TUBGCP5: variants seen among roughly 807,000 people sequenced by gnomAD.
TUBGCP5 encodes the protein gamma-tubulin complex component 5.
TUBGCP5 carries 98 observed loss-of-function variants against 134.7 expected under a neutral mutation model. That is an observed-to-expected ratio of 0.73 (90% confidence interval 0.62 to 0.86). The LOEUF (loss-of-function observed/expected upper bound fraction) is 0.86. Ranked by LOEUF, TUBGCP5 falls within the 40% of genes least tolerant of loss-of-function variation. TUBGCP5 has a pLI of 0.00. For synonymous variants in TUBGCP5, 456 were observed against 431.4 expected (o/e 1.06, Z -0.71); for missense variants, 1,150 against 1,244.8 (o/e 0.92, Z 1.15).
intron 23 of TUBGCP5, among the ~76,000 whole-genome samples, chr15:22,985,245 T>C (rs532862572): frequency 1.3e-5 from 2 of 152,114 alleles, no homozygotes; most frequent in East Asian, 3.9e-4. Flanking sequence ...TGAGATGGAG[T>C]TTCACTCTTG....
intron 16 of TUBGCP5, among the ~76,000 whole-genome samples, chr15:23,007,739 A>T (rs1288495406): frequency 6.6e-6 from 1 of 152,182 alleles, no homozygotes; most frequent in Non-Finnish European, 1.5e-5. Context: ...GGGAAAATGG[A>T]GCCAGACAGT....
Position 23,000,550 on chromosome 15 carries a change from T to C in TUBGCP5, c.3028+19A>G. ...CAAGGAAATACAGAGGTAGAAATAT[T>C]TTAACATGATATACTCACAATGGGG... On this transcript the variant is annotated intron_variant, in intron 22 of 22. Transcript: ENST00000615383. 6.2e-7 allele frequency: 1 copy of C among 1,607,180 alleles called. No individual in the cohort carries two copies.
At chr15:23,002,181 C>T (rs2064428349) in intron 21 of TUBGCP5, among the ~76,000 whole-genome samples, 1 of 151,838 alleles carries the variant, frequency 6.6e-6, no homozygotes, top group African/African-American at 2.4e-5. Context: ...ATTTTGCACA[C>T]TTTGAGCCAG....
chr15:23,037,785 C>T (rs960026251), intron 1 of TUBGCP5, among the ~76,000 whole-genome samples: 2 of 152,198 alleles, frequency 1.3e-5, no homozygotes, highest in African/African-American at 4.8e-5. Context: ...TTGCTGCCTT[C>T]ATTCATAATA....
At chr15:23,008,623 G>T in intron 16 of TUBGCP5, 76 bp downstream of exon 16, 3 of 1,428,668 alleles carry the variant, frequency 2.1e-6, no homozygotes, top group Non-Finnish European at 2.9e-6. Flanking sequence ...AAAATAATAT[G>T]TGTAATTCAT....
At chr15:22,984,575 A>G (rs1415855097) in intron 23 of TUBGCP5, among the ~76,000 whole-genome samples, 1 of 152,092 alleles carries the variant, frequency 6.6e-6, no homozygotes, top group African/African-American at 2.4e-5. Flanking sequence ...AGCTGAGATC[A>G]TGCCACTGCA....
Position 23,006,447 on chromosome 15 carries a change from C to T in TUBGCP5, c.2328-95G>A, listed in dbSNP as rs11632888. On this transcript the variant is annotated intron_variant, in intron 16 of 22. Coordinates refer to ENST00000615383, the MANE Select transcript of TUBGCP5 (RefSeq NM_052903.6). The stretch of plus-strand genomic sequence containing the variant: ...TTGGTATTTCATTTACATAATATTC[C>T]CCAAAAGATACTGCATTTCATAAAA... The T allele has an allele frequency of 0.24, 193,923 of 807,636 alleles. 25,093 individuals carry two copies. Among genetic ancestry groups the T allele is most frequent in the South Asian group, 0.27 (16,242 of 60,378 alleles). The allele number at this position is 807,636 out of a possible 1,614,324, so 50.0% of individuals were successfully genotyped here.
At position 23,017,970 on chromosome 15, in the gene TUBGCP5, T is replaced by A. The variant is rs2065436825; in HGVS notation, c.1559A>T (p.Lys520Met). Residue 520 changes from lysine to methionine, a missense_variant, in exon 13 of 23, where the codon AAG becomes ATG. Lys to Met is a moderately conservative substitution (Grantham distance 95, BLOSUM62 -1). This residue lies in a region of TUBGCP5 where 697 missense variants were observed against 850.1 expected (regional missense o/e 0.82). Transcript: ENST00000615383. ...ACTCATTTTTTCTTCATTTTCTGTCTTTTCTGATACGCTATATAACGTGTA... is the reference window on the plus strand; with the variant it reads ...ACTCATTTTTTCTTCATTTTCTGTCATTTCTGATACGCTATATAACGTGTA... Reference protein sequence around the residue: ...ATYTLYSVSEKTENEEKMSDN... With the variant: ...ATYTLYSVSEMTENEEKMSDN... 6.2e-7 allele frequency: 1 copy of A among 1,614,088 alleles called. No individual in the cohort carries two copies. The highest frequency in any genetic ancestry group is 1.3e-5 in the African/African-American group (1 of 74,942).
intron 23 of TUBGCP5, among the ~76,000 whole-genome samples, chr15:22,993,179 A>C (rs2063906190): frequency 6.7e-6 from 1 of 148,892 alleles, no homozygotes; most frequent in Non-Finnish European, 1.5e-5. Context: ...AGCTCACTGC[A>C]ACCTCCACCT....
Position 23,036,710 on chromosome 15 carries a change from T to C in TUBGCP5, c.309+187A>G, listed in dbSNP as rs185195715. On this transcript the variant is annotated intron_variant, in intron 3 of 22. Transcript: ENST00000615383. ...GGTGAAAAAATGATTAAAAACAAGC[T>C]CTTTCTTTCATCACAAACTGAGGCA... Among the ~76,000 whole-genome samples the C allele has an allele frequency of 6.6e-3, 1,000 of 152,274 alleles. 5 individuals are homozygous for C. The highest frequency in any genetic ancestry group is 0.012 in the Non-Finnish European group (837 of 68,016).
intron 13 of TUBGCP5, among the ~76,000 whole-genome samples, chr15:23,015,520 T>TA (rs1215573994): frequency 6.6e-6 from 1 of 152,046 alleles, no homozygotes; most frequent in Non-Finnish European, 1.5e-5. Flanking sequence ...CACATGCCTG[T>TA]AATCCCATCT....
chr15:23,033,149 A>G (rs372909642), intron 3 of TUBGCP5, among the ~76,000 whole-genome samples: 2 of 152,308 alleles, frequency 1.3e-5, no homozygotes, highest in African/African-American at 4.8e-5. Flanking sequence ...TCCTGTGGCA[A>G]TATGTATCAT....
intron 20 of TUBGCP5, among the ~76,000 whole-genome samples, chr15:23,003,632 GTT>G (rs531926227): frequency 0.017 from 1,482 of 88,356 alleles, 11 homozygotes; most frequent in African/African-American, 0.037. Context: ...TCCTCCTTCT[GTT>G]TTTTTTTTTT....
chr15:22,986,950 T>C (rs1257586355), intron 23 of TUBGCP5, among the ~76,000 whole-genome samples: 5 of 152,034 alleles, frequency 3.3e-5, no homozygotes, highest in Admixed American at 6.6e-5. Flanking sequence ...AGGAGATACA[T>C]ATTAGGAGAT....
intron 14 of TUBGCP5, among the ~76,000 whole-genome samples, chr15:23,010,892 T>C (rs909434275): frequency 6.6e-6 from 1 of 151,214 alleles, no homozygotes; most frequent in Admixed American, 6.6e-5. Context: ...GGTAGGAAAA[T>C]TGCTTAACCT....
At chr15:23,032,631 G>A (rs1228825023) in intron 4 of TUBGCP5, 97 bp downstream of exon 4, 1 of 813,426 alleles carries the variant, frequency 1.2e-6, no homozygotes, top group South Asian at 2.7e-5. Context: ...TAGTTTCACA[G>A]ATTTTTAGAA....
At chr15:23,000,134 A>C in intron 22 of TUBGCP5, 1 of 650,562 alleles carries the variant, frequency 1.5e-6, no homozygotes, top group Non-Finnish European at 2.3e-6. Context: ...TGGTCTTCCA[A>C]CTCCTGACCT....
intron 11 of TUBGCP5, among the ~76,000 whole-genome samples, chr15:23,021,641 T>C (rs973027122): frequency 6.6e-6 from 1 of 152,212 alleles, no homozygotes; most frequent in Non-Finnish European, 1.5e-5. Flanking sequence ...TTTCTGTGGA[T>C]GTGTCTACTT....
At chr15:23,018,104 C>G in intron 12 of TUBGCP5, 63 bp from the exon 13 acceptor site, 1 of 1,479,056 alleles carries the variant, frequency 6.8e-7, no homozygotes, top group Non-Finnish European at 9.1e-7. Flanking sequence ...CATACTTGTT[C>G]TAGTTTGTTG....
Sources: gnomAD v4.1 joint callset for allele counts (sites outside exome capture counted in the v4.1 genomes callset) on GRCh38, gnomAD v4.1.1 for gene constraint, gnomAD v4.1.1 regional missense constraint, MANE v1.5 for transcripts, NCBI Gene and HGNC (gene_info 2026-07-23, HGNC 2026-07-21) for gene names.